The following WDPCP variants were observed in gnomAD, a reference collection of about 807,000 sequenced individuals.
WDPCP encodes the protein WD repeat-containing and planar cell polarity effector protein fritz homolog.
WDPCP carries 71 observed loss-of-function variants against 93.1 expected under a neutral mutation model. That is an observed-to-expected ratio of 0.76 (90% confidence interval 0.63 to 0.93). WDPCP has a LOEUF of 0.93. Ranked by LOEUF, WDPCP falls within the 40% of genes least tolerant of loss-of-function variation. The pLI is 0.00. For synonymous variants in WDPCP, 315 were observed against 315.0 expected, an observed-to-expected ratio of 1.00 and a Z score of 0.00; for missense variants, 844 against 887.4, an observed-to-expected ratio of 0.95 and a Z score of 0.62.
At chr2:63,478,518 C>CA (rs1438666997) in intron 6 of WDPCP, among the ~76,000 whole-genome samples, 1 of 151,786 alleles carries the variant, frequency 6.6e-6, no homozygotes, top group Non-Finnish European at 1.5e-5. Context: ...AATAAAACTC[C>CA]AAAAGGAACC....
chr2:63,794,300 G>A (rs139876819), intron 2 of WDPCP, among the ~76,000 whole-genome samples: 56 of 152,246 alleles, frequency 3.7e-4, no homozygotes, highest in Non-Finnish European at 7.2e-4. Flanking sequence ...CCCAGCAATG[G>A]AGACAGCCTC....
chr2:63,338,566 AAAAATATATATATATATATATATATAT>A (rs1688603422), intron 12 of WDPCP, among the ~76,000 whole-genome samples: 1 of 9,928 alleles, frequency 1.0e-4, no homozygotes, highest in Non-Finnish European at 1.3e-4. Context: ...AAAAAAAAAA[AAAAATATATATATATATATATATATAT>A]ATATATATAT....
chr2:63,318,632 T>A (rs543908497), intron 12 of WDPCP, among the ~76,000 whole-genome samples: 9 of 152,162 alleles, frequency 5.9e-5, no homozygotes, highest in Admixed American at 3.3e-4. Flanking sequence ...GTGGAGTTGG[T>A]GGCCACTATC....
chr2:63,594,231 G>C (rs1709258743), intron 3 of WDPCP: 1 of 565,914 alleles, frequency 1.8e-6, no homozygotes, highest in African/African-American at 1.9e-5. Context: ...TATTTTAGTG[G>C]TAAAATATCC....
At chr2:63,464,022 G>T (rs1001530539) in intron 6 of WDPCP, among the ~76,000 whole-genome samples, 1 of 151,862 alleles carries the variant, frequency 6.6e-6, no homozygotes, top group Non-Finnish European at 1.5e-5. Context: ...AAACAAATGG[G>T]ACATCAAACT....
chr2:63,427,823 G>A (rs976489652), intron 9 of WDPCP, among the ~76,000 whole-genome samples: 1 of 152,074 alleles, frequency 6.6e-6, no homozygotes, highest in African/African-American at 2.4e-5. Context: ...GATTAATAGA[G>A]TGCTAGCTAG....
chr2:63,616,557 T>C lies in WDPCP; in HGVS notation n.488+34102A>G, dbSNP rs796369989. Among the ~76,000 whole-genome samples the C allele has an allele frequency of 1.1e-4, 16 of 152,268 alleles. 1 individual carries two copies. Among genetic ancestry groups the C allele is most frequent in the African/African-American group, 3.6e-4 (15 of 41,578 alleles). On this transcript the variant is annotated intron_variant and non_coding_transcript_variant, in intron 3 of 4. Coordinates refer to the WDPCP transcript ENST00000467687. Reference sequence around the variant, plus strand: ...TTACTCTATAGCATAAAATAAGAAATATAAAACAAAAACGAAATAATTTTA... The same window carrying C: ...TTACTCTATAGCATAAAATAAGAAACATAAAACAAAAACGAAATAATTTTA...
chr2:63,602,433 G>A lies in WDPCP; in HGVS notation n.488+48226C>T, dbSNP rs188182859. ...AAAAAATAGTACAGAGAAGGCCCAT[G>A]TACCCATCACCCATTGATGGTACCT... On this transcript the variant is annotated intron_variant and non_coding_transcript_variant, in intron 3 of 4. Coordinates refer to the WDPCP transcript ENST00000467687. 2.6e-3 allele frequency among the ~76,000 whole-genome samples: 363 copies of A among 139,230 alleles called. 2 individuals carry two copies. The highest frequency in any genetic ancestry group is 9.5e-3 in the African/African-American group (358 of 37,582). The allele number at this position is 139,230 out of a possible 152,430, so 91.3% of individuals were successfully genotyped here.
chr2:63,542,440 C>T (rs1704818074), intron 1 of WDPCP, among the ~76,000 whole-genome samples: 1 of 152,212 alleles, frequency 6.6e-6, no homozygotes, highest in Non-Finnish European at 1.5e-5. Context: ...CTCCCATTTT[C>T]ATGGCTATTC....
At chr2:63,213,229 C>T (rs1676991394) in intron 14 of WDPCP, among the ~76,000 whole-genome samples, 1 of 152,178 alleles carries the variant, frequency 6.6e-6, no homozygotes, top group Non-Finnish European at 1.5e-5. Flanking sequence ...GGAAGTAAAG[C>T]ACTCCTCAGC....
At chr2:63,249,866 G>T (rs1157776321) in intron 14 of WDPCP, among the ~76,000 whole-genome samples, 2 of 152,190 alleles carry the variant, frequency 1.3e-5, no homozygotes, top group African/African-American at 4.8e-5. Context: ...ACCTGCAAAT[G>T]TAATGACTTC....
At chr2:63,250,502 G>A (rs1680624729) in intron 14 of WDPCP, among the ~76,000 whole-genome samples, 1 of 152,128 alleles carries the variant, frequency 6.6e-6, no homozygotes, top group Admixed American at 6.5e-5. Context: ...TACCTCAATT[G>A]AATGATTATT....
chr2:63,595,676 G>A (rs1213804102), intron 3 of WDPCP, among the ~76,000 whole-genome samples: 2 of 152,094 alleles, frequency 1.3e-5, no homozygotes, highest in Non-Finnish European at 2.9e-5. Flanking sequence ...TGTATACCAA[G>A]GATAAATAAG....
intron 3 of WDPCP, chr2:63,605,502 C>T: frequency 1.3e-6 from 1 of 773,634 alleles, no homozygotes. Flanking sequence ...GTTCATTTCT[C>T]AGCTCAGCTG....
intron 2 of WDPCP, among the ~76,000 whole-genome samples, chr2:63,787,559 G>A (rs966945737): frequency 2.2e-4 from 34 of 152,126 alleles, no homozygotes; most frequent in Middle Eastern, 3.4e-3. Context: ...ACTGATTTTC[G>A]TTGGCTGTTC....
rs1686581517 is a variant in WDPCP, at chr2:63,315,701, T to C, written c.1749-2390A>G. 2.0e-5 allele frequency among the ~76,000 whole-genome samples: 3 copies of C among 152,298 alleles called. No individual in the cohort carries two copies. In the South Asian group the frequency reaches 6.2e-4, roughly 32 times the overall value. Reference sequence around the variant, plus strand: ...AATAAAGAATAATCAGGTTACTATTTTAAAGAATAAAACAGAACTTTTAGA... The same window carrying C: ...AATAAAGAATAATCAGGTTACTATTCTAAAGAATAAAACAGAACTTTTAGA... On this transcript the variant is annotated intron_variant, in intron 12 of 17. Transcript: ENST00000272321.
At chr2:63,538,467 T>TA (rs1704475488) in intron 1 of WDPCP, among the ~76,000 whole-genome samples, 1 of 152,112 alleles carries the variant, frequency 6.6e-6, no homozygotes, top group South Asian at 2.1e-4. Flanking sequence ...CCCTTTATAA[T>TA]AAAAAAATTG....
At chr2:63,469,901 A>C (rs1558677234) in intron 6 of WDPCP, among the ~76,000 whole-genome samples, 1 of 152,198 alleles carries the variant, frequency 6.6e-6, no homozygotes, top group Non-Finnish European at 1.5e-5. Flanking sequence ...ATCACCTTCC[A>C]TTGAAACTGC....
At chr2:63,215,859 T>C (rs1183444123) in intron 14 of WDPCP, among the ~76,000 whole-genome samples, 5 of 151,910 alleles carry the variant, frequency 3.3e-5, no homozygotes, top group African/African-American at 1.2e-4. Context: ...CAAATAAATT[T>C]ACAAGAAAAA....
Sources: gnomAD v4.1 joint callset for allele counts (sites outside exome capture counted in the v4.1 genomes callset) on GRCh38, gnomAD v4.1.1 for gene constraint, MANE v1.5 for transcripts, NCBI Gene and HGNC (gene_info 2026-07-23, HGNC 2026-07-21) for gene names.